CCDC187: variants seen among roughly 807,000 people sequenced by gnomAD.
CCDC187 encodes coiled-coil domain containing 187.
A neutral mutation model predicts 38.0 loss-of-function variants in CCDC187; 32 were observed. The observed-to-expected ratio is 0.84, with a 90% confidence interval of 0.64 to 1.13. The LOEUF (loss-of-function observed/expected upper bound fraction) is 1.13. CCDC187 is among the 50% of genes most tolerant of loss of function. The pLI, the probability that CCDC187 is intolerant of heterozygous loss-of-function variation, is 0.00. For missense variants in CCDC187, 707 were observed against 786.8 expected, an observed-to-expected ratio of 0.90 and a Z score of 1.21; for synonymous variants, 333 against 347.9, an observed-to-expected ratio of 0.96 and a Z score of 0.48.
At chr9:136,289,386 G>C (rs1831255935) in intron 7 of CCDC187, among the ~76,000 whole-genome samples, 1 of 152,002 alleles carries the variant, frequency 6.6e-6, no homozygotes, top group South Asian at 2.1e-4. Context: ...GGGCGTTGTG[G>C]CAGGTGCCTA....
chr9:136,294,751 C>A (rs1335460559), intron 4 of CCDC187, among the ~76,000 whole-genome samples: 1 of 152,160 alleles, frequency 6.6e-6, no homozygotes, highest in Non-Finnish European at 1.5e-5. Flanking sequence ...AAGCCACGTC[C>A]CCAAGGACAG....
chr9:136,275,966 C>T (rs1830923616), intron 12 of CCDC187, among the ~76,000 whole-genome samples: 1 of 152,178 alleles, frequency 6.6e-6, no homozygotes, highest in Non-Finnish European at 1.5e-5. Context: ...CTGGTTCCCG[C>T]TGGGGCACCC....
rs1328991627 is a variant in CCDC187, at chr9:136,302,676, T to C, written c.625+136A>G. ...AGAAGCACCCCTTCATGACTCCTAA[T>C]CCCCACCCTGGGGGCACGCTGCATA... On this transcript the variant is annotated intron_variant, in intron 2 of 25. Coordinates refer to ENST00000638797, the MANE Select transcript of CCDC187 (RefSeq NM_001378188.1). 9 of 397,498 alleles carry C rather than the reference T, an allele frequency of 2.3e-5. No homozygotes were observed. The Admixed American group carries it at 4.0e-4, about 18-fold the overall frequency. 24.6% of individuals were successfully genotyped at this position (397,498 alleles called of 1,614,324 possible). A position where few individuals can be genotyped will look rare whatever the true frequency, so the allele number is the denominator to read the frequency against.
chr9:136,285,444 CAGGTGGG>C, intron 9 of CCDC187, 62 bp downstream of exon 9: 1 of 32,724 alleles, frequency 3.1e-5, no homozygotes, highest in Non-Finnish European at 6.5e-5. Flanking sequence ...GGCAGGTGGG[CAGGTGGG>C]CAGGTGGGCA....
rs62579897 is a variant in CCDC187, at chr9:136,257,103, A to G, written c.4367-262T>C. Among the ~76,000 whole-genome samples, 25,466 of 152,226 alleles carry G rather than the reference A, an allele frequency of 0.17. 2,431 individuals carry two copies. The highest frequency in any genetic ancestry group is 0.25 in the Admixed American group (3,830 of 15,284). ...TAGAATTCAGAGGCCGGCTGGGCGC[A>G]GTGGCTCACGCCTATAATCCCAGCA... On this transcript the variant is annotated intron_variant, in intron 22 of 25. Coordinates refer to ENST00000638797, the MANE Select transcript of CCDC187 (RefSeq NM_001378188.1). This position sits in a 1 kb window ranked among gnomAD's most constrained non-coding sequence, Gnocchi z 4.5.
chr9:136,292,419 G>T, intron 4 of CCDC187, 124 bp from the exon 5 acceptor site: 1 of 396,924 alleles, frequency 2.5e-6, no homozygotes, highest in South Asian at 1.4e-4. Context: ...GAAGGCACCG[G>T]GAGGATATCC....
intron 2 of CCDC187, among the ~76,000 whole-genome samples, chr9:136,301,393 A>G (rs1831677676): frequency 1.3e-5 from 2 of 152,050 alleles, no homozygotes; most frequent in African/African-American, 4.8e-5. Flanking sequence ...CAGAGACAGG[A>G]AGTAGGATGA....
chr9:136,297,173 G>A (rs947986576), intron 4 of CCDC187, among the ~76,000 whole-genome samples: 1 of 152,028 alleles, frequency 6.6e-6, no homozygotes, highest in Non-Finnish European at 1.5e-5. Flanking sequence ...GGCGTGAGCT[G>A]TGGGTGGCGT....
chr9:136,272,944 G>A (rs375943272), intron 14 of CCDC187, among the ~76,000 whole-genome samples: 2 of 152,082 alleles, frequency 1.3e-5, no homozygotes, highest in African/African-American at 2.4e-5. Context: ...AAGAAGAATT[G>A]GCCTTGTACT....
rs1255382043 is a variant in CCDC187 at position 136,262,187 on chromosome 9, T to C, written c.4064+124A>G. 6.8e-6 allele frequency: 6 copies of C among 877,210 alleles called. No individual in the cohort carries two copies. In the African/African-American group the frequency reaches 1.1e-4, roughly 16 times the overall value. 54.3% of individuals were successfully genotyped at this position (877,210 alleles called of 1,614,324 possible). ...CACCCTGGGAGGGGATGCCCAGGGC[T>C]ACACGTGCCACCCCGGCCCCTGAGC... is the stretch of plus-strand genomic sequence containing the variant. On this transcript the variant is annotated intron_variant, in intron 19 of 25. Transcript: ENST00000638797.
At chr9:136,285,236 C>T (rs1225324521) in intron 9 of CCDC187, among the ~76,000 whole-genome samples, 1 of 152,120 alleles carries the variant, frequency 6.6e-6, no homozygotes, top group Non-Finnish European at 1.5e-5. Context: ...GGGAGCTGCA[C>T]CAGTGGCGTC....
rs868911750 is a variant in CCDC187 at position 136,267,305 on chromosome 9, G to A, written c.3647+79C>T. ...CGGGACCCGGACGGGGCAGGGAGGGGGCGGGGCTACAGCAGGGCGGGGCTA... is the reference window on the plus strand; with the variant it reads ...CGGGACCCGGACGGGGCAGGGAGGGAGCGGGGCTACAGCAGGGCGGGGCTA... On this transcript the variant is annotated intron_variant, in intron 16 of 25. Coordinates refer to ENST00000638797, the MANE Select transcript of CCDC187 (RefSeq NM_001378188.1). 4.1e-5 allele frequency: 37 copies of A among 913,376 alleles called. No individual in the cohort carries two copies. The African/African-American group carries it at 7.2e-4, about 18-fold the overall frequency. 56.6% of individuals were successfully genotyped at this position (913,376 alleles called of 1,614,324 possible). A position where few individuals can be genotyped will look rare whatever the true frequency, so the allele number is the denominator to read the frequency against.
rs1265169304 is a variant in CCDC187 at position 136,252,606 on chromosome 9, C to T, written c.*988G>A. ...CCGGTCCACCCTGGGAAAGTCCAGG[C>T]CTCTAGGTTCTTACTCCCACGTGTG... On this transcript the variant is annotated 3_prime_UTR_variant, in exon 26 of 26. Coordinates refer to ENST00000638797, the MANE Select transcript of CCDC187 (RefSeq NM_001378188.1). 3 of 167,540 alleles carry T rather than the reference C, an allele frequency of 1.8e-5. No homozygotes were observed. The highest frequency in any genetic ancestry group is 6.5e-5 in the Admixed American group (1 of 15,370). 10.4% of individuals were successfully genotyped at this position (167,540 alleles called of 1,614,324 possible). A position where few individuals can be genotyped will look rare whatever the true frequency, so the allele number is the denominator to read the frequency against.
chr9:136,291,965 C>T (rs1831342010), intron 5 of CCDC187, among the ~76,000 whole-genome samples, 196 bp downstream of exon 5: 1 of 152,234 alleles, frequency 6.6e-6, no homozygotes, highest in Non-Finnish European at 1.5e-5. Flanking sequence ...ACCCTTTTCT[C>T]AGGCTTTGAA....
At position 136,254,682 on chromosome 9, in the gene CCDC187, G is replaced by A. The variant is rs1217647154; in HGVS notation, c.5146C>T (p.Arg1716Cys). 9 of 985,400 alleles carry A rather than the reference G, an allele frequency of 9.1e-6. No individual in the cohort carries two copies. The highest frequency in any genetic ancestry group is 1.1e-5 in the Non-Finnish European group (9 of 829,996). The allele number at this position is 985,400 out of a possible 1,614,324, so 61.0% of individuals were successfully genotyped here. ...ATGGCCGTGTCCAAGGAGGAGCCAC[G>A]CAGGGGGCCGGCCCTGCGGCCCTGG... ...RPQGRRAGPL[R>C]GSSLDTAMAE... is the part of the protein sequence containing the mutation. The change falls in exon 26 of 26, where the codon CGT (arginine) becomes TGT (cysteine). Residue 1716 changes from arginine to cysteine, a missense_variant. Transcript: ENST00000638797.
At chr9:136,265,917 G>A in intron 17 of CCDC187, 39 bp downstream of exon 17, 2 of 951,144 alleles carry the variant, frequency 2.1e-6, no homozygotes, top group African/African-American at 1.8e-5. Flanking sequence ...GCCTCTGTGA[G>A]CCGCCCACCC....
chr9:136,294,612 T>C (rs990185808), intron 4 of CCDC187, among the ~76,000 whole-genome samples: 457 of 152,266 alleles, frequency 3.0e-3, no homozygotes, highest in Admixed American at 4.6e-3. Flanking sequence ...GGGACTTCCC[T>C]AGCACCCCCC....
In CCDC187 at chr9:136,257,064, A is replaced by C. The variant is rs1173387588; in HGVS notation, c.4367-223T>G. On this transcript the variant is annotated intron_variant, in intron 22 of 25. Coordinates refer to ENST00000638797, the MANE Select transcript of CCDC187 (RefSeq NM_001378188.1). The surrounding 1 kb of genome is among the most constrained non-coding windows in gnomAD (Gnocchi z 4.5). Reference sequence around the variant, plus strand: ...TGATCAAAGTCCCAGCCAAAAGTTTAGAGAAAATTCGTTTAGAATTCAGAG... The same window carrying C: ...TGATCAAAGTCCCAGCCAAAAGTTTCGAGAAAATTCGTTTAGAATTCAGAG... 6.6e-6 allele frequency among the ~76,000 whole-genome samples: 1 copy of C among 152,238 alleles called. No homozygotes were observed. Among genetic ancestry groups the C allele is most frequent in the Non-Finnish European group, 1.5e-5 (1 of 68,042 alleles).
chr9:136,283,580 G>A (rs895022358), intron 9 of CCDC187, among the ~76,000 whole-genome samples: 1 of 152,230 alleles, frequency 6.6e-6, no homozygotes, highest in South Asian at 2.1e-4. Context: ...TCTCTCTGCC[G>A]CCTCGGCAGG....
Sources: allele counts gnomAD v4.1 joint callset (sites outside exome capture counted in the v4.1 genomes callset), GRCh38; gene constraint gnomAD v4.1.1; non-coding constraint Gnocchi (gnomAD v3.1); transcripts MANE v1.5; gene names NCBI Gene and HGNC (gene_info 2026-07-23, HGNC 2026-07-21).